Variants in GATAD2B observed in about 807,000 individuals in gnomAD.
GATAD2B encodes transcriptional repressor p66-beta.
GATAD2B carries 8 observed loss-of-function variants against 64.3 expected under a neutral mutation model. The ratio of observed to expected loss-of-function variants is 0.12; its 90% CI spans 0.07 to 0.22. The LOEUF (loss-of-function observed/expected upper bound fraction) is 0.22. Among genes scored for constraint, GATAD2B ranks in the 10% least tolerant of loss-of-function variants. The pLI, the probability that GATAD2B is intolerant of heterozygous loss-of-function variation, is 1.00. For missense variants in GATAD2B, 453 were observed against 752.0 expected (o/e 0.60, Z 4.65); for synonymous variants, 281 against 271.3 (o/e 1.04, Z -0.35).
intron 1 of GATAD2B, among the ~76,000 whole-genome samples, chr1:153,838,127 AC>A (rs2101899052): frequency 6.6e-6 from 1 of 152,334 alleles, no homozygotes; most frequent in East Asian, 1.9e-4. Flanking sequence ...TGGAATTACA[AC>A]ACAGGTCTAG....
intron 1 of GATAD2B, among the ~76,000 whole-genome samples, chr1:153,901,662 A>T (rs189893786): frequency 2.0e-5 from 3 of 151,362 alleles, no homozygotes; most frequent in African/African-American, 7.3e-5. Context: ...CATCTCTACT[A>T]AAAATACAAA....
At chr1:153,875,737 A>G (rs184422318) in intron 1 of GATAD2B, among the ~76,000 whole-genome samples, 129 of 151,656 alleles carry the variant, frequency 8.5e-4, no homozygotes, top group Non-Finnish European at 1.5e-3. Flanking sequence ...ATAAACTAGT[A>G]AGAACAATGA....
intron 1 of GATAD2B, among the ~76,000 whole-genome samples, chr1:153,833,321 G>C (rs930018667): frequency 6.6e-6 from 1 of 152,154 alleles, no homozygotes; most frequent in Non-Finnish European, 1.5e-5. Flanking sequence ...ATGGTTTACT[G>C]AATATTTTAA....
chr1:153,813,651 T>C (rs1456285309), intron 7 of GATAD2B, among the ~76,000 whole-genome samples, 199 bp from the exon 8 acceptor site: 1 of 152,348 alleles, frequency 6.6e-6, no homozygotes, highest in South Asian at 2.1e-4. Flanking sequence ...GACAGTACCA[T>C]CCTCATTTAC....
intron 1 of GATAD2B, among the ~76,000 whole-genome samples, chr1:153,891,453 C>G (rs970663621): frequency 3.3e-5 from 5 of 150,140 alleles, no homozygotes; most frequent in African/African-American, 1.2e-4. Context: ...CCTGTAAATC[C>G]CAGCTACTTG....
rs892064734 is a variant in GATAD2B at position 153,816,899 on chromosome 1, C to T, written c.901-311G>A. Among the ~76,000 whole-genome samples the T allele has an allele frequency of 6.6e-6, 1 of 152,150 alleles. No homozygotes were observed. Among genetic ancestry groups the T allele is most frequent in the African/African-American group, 2.4e-5 (1 of 41,434 alleles). On this transcript the variant is annotated intron_variant, in intron 6 of 10. Transcript: ENST00000368655. The surrounding 1 kb of genome is among the most constrained non-coding windows in gnomAD (Gnocchi z 4.9). ...AGGAGTTTGAGACCAGCCTGGCCAA[C>T]ATGGTCAAACTCTGTCTCTACGAAA...
chr1:153,812,243 TG>T, intron 8 of GATAD2B, 111 bp from the exon 9 acceptor site: 1 of 643,612 alleles, frequency 1.6e-6, no homozygotes, highest in South Asian at 1.9e-5. Flanking sequence ...TTGCCCAGGC[TG>T]GTCTGGCACT....
chr1:153,860,632 G>A (rs1027709253), intron 1 of GATAD2B, among the ~76,000 whole-genome samples: 6 of 151,526 alleles, frequency 4.0e-5, no homozygotes, highest in African/African-American at 9.7e-5. Context: ...ACTGCCACTG[G>A]TAGTTAAAAT....
chr1:153,820,226 G>T (rs111495029), intron 2 of GATAD2B, among the ~76,000 whole-genome samples: 1 of 152,072 alleles, frequency 6.6e-6, no homozygotes, highest in East Asian at 1.9e-4. Context: ...TACAGAAAAG[G>T]ATTAAACCTC....
At chr1:153,914,110 G>T (rs926988111) in intron 1 of GATAD2B, among the ~76,000 whole-genome samples, 3 of 150,908 alleles carry the variant, frequency 2.0e-5, no homozygotes, top group Admixed American at 6.6e-5. Context: ...GGGCATGGTG[G>T]CAGGCGCCTG....
At chr1:153,865,016 G>T (rs1453205889) in intron 1 of GATAD2B, among the ~76,000 whole-genome samples, 1 of 152,154 alleles carries the variant, frequency 6.6e-6, no homozygotes, top group Non-Finnish European at 1.5e-5. Flanking sequence ...GTTGCGGTAA[G>T]CCGAGATCCC....
intron 1 of GATAD2B, among the ~76,000 whole-genome samples, chr1:153,887,805 G>A (rs1002794534): frequency 3.3e-5 from 5 of 152,120 alleles, no homozygotes; most frequent in Non-Finnish European, 7.3e-5. Context: ...AATTACTGCA[G>A]GCTGGGTGTG....
In GATAD2B at chr1:153,819,578, GAAGA is replaced by G. The variant is rs767173935; in HGVS notation, c.465+24_465+27del. 8 of 1,509,618 alleles carry G rather than the reference GAAGA, an allele frequency of 5.3e-6. 1 individual carries two copies. Among genetic ancestry groups the G allele is most frequent in the Admixed American group, 4.0e-5 (2 of 49,930 alleles). 93.5% of individuals were successfully genotyped at this position (1,509,618 alleles called of 1,614,324 possible). ...AAATAAAATAGAAGGAGCATAACAA[GAAGA>G]AAGAAATTTTTCTTTCTTTTTACCT... is the stretch of plus-strand genomic sequence containing the variant. On this transcript the variant is annotated intron_variant, in intron 3 of 10. Transcript: ENST00000368655.
At chr1:153,860,285 A>C (rs1462668795) in intron 1 of GATAD2B, among the ~76,000 whole-genome samples, 1 of 152,096 alleles carries the variant, frequency 6.6e-6, no homozygotes, top group Non-Finnish European at 1.5e-5. Context: ...TTTCCCTTAG[A>C]AAACTGTGAG....
intron 2 of GATAD2B, among the ~76,000 whole-genome samples, chr1:153,827,324 T>C (rs2101890838): frequency 6.6e-6 from 1 of 150,726 alleles, no homozygotes; most frequent in East Asian, 1.9e-4. Flanking sequence ...TTATCTATAC[T>C]ATGATTCACT....
chr1:153,839,076 T>G (rs978462824), intron 1 of GATAD2B, among the ~76,000 whole-genome samples: 1 of 119,606 alleles, frequency 8.4e-6, no homozygotes, highest in African/African-American at 3.4e-5. Context: ...GTCACTTCAC[T>G]CCAGCCTGGG....
At chr1:153,885,093 T>C (rs1203198236) in intron 1 of GATAD2B, among the ~76,000 whole-genome samples, 5 of 151,978 alleles carry the variant, frequency 3.3e-5, no homozygotes, top group Non-Finnish European at 7.3e-5. Flanking sequence ...ATTAATTCAG[T>C]GAAATTTTAA....
At chr1:153,864,419 C>T (rs920130824) in intron 1 of GATAD2B, among the ~76,000 whole-genome samples, 2 of 152,186 alleles carry the variant, frequency 1.3e-5, no homozygotes, top group Non-Finnish European at 2.9e-5. Flanking sequence ...AAATGCTAGA[C>T]CAACCTGGGC....
chr1:153,920,436 C>G (rs1404972673), intron 1 of GATAD2B, among the ~76,000 whole-genome samples: 1 of 152,218 alleles, frequency 6.6e-6, no homozygotes, highest in Non-Finnish European at 1.5e-5. Context: ...TTCCCTCTGC[C>G]ACCACCCTGT....
Sources: gnomAD v4.1 joint callset for allele counts (sites outside exome capture counted in the v4.1 genomes callset) on GRCh38, gnomAD v4.1.1 for gene constraint, Gnocchi (gnomAD v3.1) non-coding constraint, MANE v1.5 for transcripts, NCBI Gene and HGNC (gene_info 2026-07-23, HGNC 2026-07-21) for gene names.